SV2C: variants seen among roughly 807,000 people sequenced by gnomAD.
The protein encoded by SV2C is synaptic vesicle glycoprotein 2C.
SV2C carries 49 observed loss-of-function variants against 79.7 expected under a neutral mutation model. That is an observed-to-expected ratio of 0.61 (90% CI 0.49 to 0.78). The LOEUF is 0.78. SV2C is among the 30% of genes least tolerant of loss of function. The pLI is 0.00. For missense variants in SV2C, 833 were observed against 912.9 expected (o/e 0.91, Z 1.13); for synonymous variants, 334 against 333.2 (o/e 1.00, Z -0.03).
At chr5:76,033,879 A>G in the SV2C span, among the ~76,000 whole-genome samples, 2 of 151,654 alleles carry the variant, frequency 1.3e-5, no homozygotes, top group Admixed American at 6.6e-5. Flanking sequence ...CCTACCCATG[A>G]GCATGGAATG....
intron 12 of SV2C, among the ~76,000 whole-genome samples, chr5:76,309,468 C>T (rs1748329859): frequency 6.6e-6 from 1 of 151,902 alleles, no homozygotes; most frequent in Non-Finnish European, 1.5e-5. Flanking sequence ...GGCATCGTGG[C>T]TGGCGCCTGT....
chr5:76,036,715 T>G, the SV2C span, among the ~76,000 whole-genome samples: 4 of 152,304 alleles, frequency 2.6e-5, no homozygotes, highest in South Asian at 2.1e-4. Flanking sequence ...ATCTGACAAT[T>G]AGGTGTCTTG....
the SV2C span, among the ~76,000 whole-genome samples, chr5:76,016,871 A>AGG: frequency 6.6e-6 from 1 of 152,204 alleles, no homozygotes; most frequent in Non-Finnish European, 1.5e-5. Context: ...TCACTCAAAG[A>AGG]GGGAATCTCC....
At chr5:75,879,277 C>T in the SV2C span, among the ~76,000 whole-genome samples, 323 of 152,252 alleles carry the variant, frequency 2.1e-3, 21 homozygotes, top group South Asian at 0.065. Flanking sequence ...CCCAACTGTC[C>T]CCTAAAGTCT....
the SV2C span, among the ~76,000 whole-genome samples, chr5:76,000,459 C>T: frequency 6.6e-6 from 1 of 152,140 alleles, no homozygotes; most frequent in Non-Finnish European, 1.5e-5. Context: ...TAATGCTGGG[C>T]CTGCCTCACA....
the SV2C span, among the ~76,000 whole-genome samples, chr5:75,903,382 A>ATTTTTTTT: frequency 2.3e-4 from 34 of 150,986 alleles, no homozygotes; most frequent in African/African-American, 5.6e-4. Flanking sequence ...TTTTTTTAAA[A>ATTTTTTTT]AAAAAAGAAA....
At chr5:75,954,370 A>T in the SV2C span, among the ~76,000 whole-genome samples, 1 of 151,982 alleles carries the variant, frequency 6.6e-6, no homozygotes, top group Non-Finnish European at 1.5e-5. Context: ...CTTGTCATAG[A>T]TAGTTCTTAT....
At chr5:76,081,403 G>C (rs1746989924), upstream of SV2C, among the ~76,000 whole-genome samples, 1 of 152,118 alleles carries the variant, frequency 6.6e-6, no homozygotes, top group African/African-American at 2.4e-5. Context: ...AACATGCGGG[G>C]AATCCAGATA....
chr5:76,143,370 G>C (rs749487865), intron 2 of SV2C, among the ~76,000 whole-genome samples: 2 of 152,078 alleles, frequency 1.3e-5, no homozygotes, highest in Non-Finnish European at 2.9e-5. Flanking sequence ...CCTTACCCCA[G>C]AAACAAGTTC....
the SV2C span, among the ~76,000 whole-genome samples, chr5:75,890,757 T>C: frequency 6.6e-6 from 1 of 152,240 alleles, no homozygotes; most frequent in Non-Finnish European, 1.5e-5. Context: ...TTGTTGACTT[T>C]GGTACTTGCT....
chr5:75,902,230 G>T, the SV2C span, among the ~76,000 whole-genome samples: 1,147 of 152,242 alleles, frequency 7.5e-3, 16 homozygotes, highest in African/African-American at 0.026. Flanking sequence ...CGGCCATCTT[G>T]GCTCTCACAC....
the SV2C span, among the ~76,000 whole-genome samples, chr5:75,955,516 A>G: frequency 4.7e-5 from 7 of 148,934 alleles, no homozygotes; most frequent in Admixed American, 2.7e-4. Context: ...CACCAAAAGC[A>G]ATGGCAACAA....
At chr5:76,312,527 A>G (rs896542907) in intron 12 of SV2C, among the ~76,000 whole-genome samples, 2 of 152,122 alleles carry the variant, frequency 1.3e-5, no homozygotes, top group Admixed American at 1.3e-4. Flanking sequence ...TGCTGGGATT[A>G]CAGACATGAG....
chr5:75,924,719 G>T, the SV2C span, among the ~76,000 whole-genome samples: 1 of 152,034 alleles, frequency 6.6e-6, no homozygotes, highest in Non-Finnish European at 1.5e-5. Context: ...TGACTGTCTG[G>T]AGGAAATTAA....
intron 3 of SV2C, among the ~76,000 whole-genome samples, chr5:76,209,398 A>G (rs1048770470): frequency 6.6e-6 from 1 of 152,336 alleles, no homozygotes; most frequent in Admixed American, 6.5e-5. Context: ...ATAGGAAATC[A>G]ATGTAAGTTT....
intron 12 of SV2C, 94 bp downstream of exon 12, chr5:76,301,639 T>G: frequency 6.9e-7 from 1 of 1,442,392 alleles, no homozygotes; most frequent in Non-Finnish European, 9.4e-7. Context: ...CTGGGCACGG[T>G]AGCTTATGCC....
the SV2C span, among the ~76,000 whole-genome samples, chr5:75,904,921 G>A: frequency 2.6e-5 from 4 of 152,198 alleles, no homozygotes; most frequent in African/African-American, 9.6e-5. Flanking sequence ...AGAGAAAACA[G>A]AGTCCCTTCT....
chr5:76,001,172 G>A, the SV2C span, among the ~76,000 whole-genome samples: 1 of 152,126 alleles, frequency 6.6e-6, no homozygotes, highest in African/African-American at 2.4e-5. Flanking sequence ...GGCTTGCTGG[G>A]GCCATAAGAA....
At chr5:76,081,167 A>G (rs182455154), upstream of SV2C, among the ~76,000 whole-genome samples, 25 of 152,384 alleles carry the variant, frequency 1.6e-4, no homozygotes, top group African/African-American at 5.3e-4. Context: ...TTAAAAAAAT[A>G]TCTTCCACGG....
Sources: allele counts gnomAD v4.1 joint callset (sites outside exome capture counted in the v4.1 genomes callset), GRCh38; gene constraint gnomAD v4.1.1; transcripts MANE v1.5; gene names NCBI Gene and HGNC (gene_info 2026-07-23, HGNC 2026-07-21).